NDRG3: variants seen among roughly 807,000 people sequenced by gnomAD.
NDRG3 encodes protein NDRG3.
A neutral mutation model predicts 57.2 loss-of-function variants in NDRG3; 23 were observed. That is an observed-to-expected ratio of 0.40 (90% CI 0.29 to 0.57). The LOEUF (loss-of-function observed/expected upper bound fraction) is 0.57. NDRG3 is among the 20% of genes least tolerant of loss of function. The pLI is 0.42. For synonymous variants in NDRG3, 132 were observed against 162.6 expected (o/e 0.81, Z 1.43); for missense variants, 384 against 457.3 (o/e 0.84, Z 1.46).
intron 1 of NDRG3, among the ~76,000 whole-genome samples, chr20:36,737,819 C>A (rs1370103758): frequency 6.6e-6 from 1 of 152,088 alleles, no homozygotes; most frequent in Non-Finnish European, 1.5e-5. Flanking sequence ...GTGGCTGATA[C>A]CTGTAATACC....
At position 36,721,400 on chromosome 20, in the gene NDRG3, G is replaced by T. The variant is rs193065864; in HGVS notation, c.57+279C>A. Among the ~76,000 whole-genome samples, 5 of 151,824 alleles carry T rather than the reference G, an allele frequency of 3.3e-5. No individual in the cohort carries two copies. In the East Asian group the frequency reaches 9.8e-4, roughly 30 times the overall value. ...AAAAATTAGCTGGGCGTGATGACAC[G>T]TGCCTGTAATCTCAGCTACTTGGGA... On this transcript the variant is annotated intron_variant, in intron 2 of 15. Transcript: ENST00000349004.
chr20:36,656,456 G>A (rs747989486), intron 14 of NDRG3, 41 bp downstream of exon 14: 1 of 1,614,134 alleles, frequency 6.2e-7, no homozygotes, highest in South Asian at 1.1e-5. Flanking sequence ...CATAGACAGA[G>A]AAGCAGAATT....
chr20:36,726,222 C>T (rs1000756970), intron 1 of NDRG3, among the ~76,000 whole-genome samples: 1 of 152,152 alleles, frequency 6.6e-6, no homozygotes, highest in South Asian at 2.1e-4. Flanking sequence ...CATACCCATC[C>T]CTAAGTATTT....
chr20:36,710,931 G>A (rs1278348518), intron 2 of NDRG3, among the ~76,000 whole-genome samples: 3 of 151,816 alleles, frequency 2.0e-5, no homozygotes, highest in Non-Finnish European at 2.9e-5. Context: ...AGTGGGCTGA[G>A]ACGGCGCCAC....
At chr20:36,725,687 A>G (rs1197750998) in intron 1 of NDRG3, among the ~76,000 whole-genome samples, 1 of 152,126 alleles carries the variant, frequency 6.6e-6, no homozygotes, top group Non-Finnish European at 1.5e-5. Context: ...TTCCACCTAA[A>G]GAAAACCATT....
At chr20:36,664,529 T>C (rs1390916492) in intron 12 of NDRG3, among the ~76,000 whole-genome samples, 2 of 152,124 alleles carry the variant, frequency 1.3e-5, no homozygotes, top group African/African-American at 2.4e-5. Flanking sequence ...CAAAGTGAAC[T>C]ACACAACACA....
chr20:36,696,310 G>C (rs2148144717), intron 3 of NDRG3, among the ~76,000 whole-genome samples: 1 of 152,000 alleles, frequency 6.6e-6, no homozygotes, highest in East Asian at 1.9e-4. Context: ...TGGTTGGGCT[G>C]GTCTCAAACT....
At chr20:36,708,156 C>A (rs1016088817) in intron 2 of NDRG3, among the ~76,000 whole-genome samples, 2 of 151,800 alleles carry the variant, frequency 1.3e-5, no homozygotes, top group Admixed American at 6.6e-5. Flanking sequence ...TGATTTTTCA[C>A]AAAGTGTAAC....
chr20:36,692,055 AAAGT>A, intron 3 of NDRG3, among the ~76,000 whole-genome samples: 1 of 152,322 alleles, frequency 6.6e-6, no homozygotes, highest in Non-Finnish European at 1.5e-5. Flanking sequence ...CTACGATAGA[AAAGT>A]AAGAAGACAT....
rs532867376 is a variant in NDRG3 at position 36,711,402 on chromosome 20, C to T, written c.58-4395G>A. Among the ~76,000 whole-genome samples the T allele has an allele frequency of 5.3e-5, 8 of 152,190 alleles. No individual in the cohort carries two copies. The South Asian group carries it at 1.7e-3, about 32-fold the overall frequency. On this transcript the variant is annotated intron_variant, in intron 2 of 15. Coordinates refer to ENST00000349004, the MANE Select transcript of NDRG3 (RefSeq NM_032013.4). ...AGACCATATTAGGGCTTCAATCTAA[C>T]AGAATTCCCAAAGGTTCCTTTAGGG...
chr20:36,661,568 G>A (rs1425007836), intron 12 of NDRG3, among the ~76,000 whole-genome samples: 1 of 152,060 alleles, frequency 6.6e-6, no homozygotes, highest in East Asian at 1.9e-4. Context: ...AAGGGAAAAG[G>A]TGAGTGTTTG....
At chr20:36,702,517 C>A (rs1296242848) in intron 3 of NDRG3, among the ~76,000 whole-genome samples, 2 of 151,862 alleles carry the variant, frequency 1.3e-5, no homozygotes, top group Non-Finnish European at 2.9e-5. Flanking sequence ...TTTTGTTATA[C>A]AAGATTTTTG....
intron 1 of NDRG3, among the ~76,000 whole-genome samples, chr20:36,736,192 T>C (rs1484778226): frequency 6.6e-6 from 1 of 152,160 alleles, no homozygotes; most frequent in African/African-American, 2.4e-5. Context: ...TCCACGTAGT[T>C]ATCTTAGCTA....
At chr20:36,699,359 C>T (rs1018746416) in intron 3 of NDRG3, among the ~76,000 whole-genome samples, 2 of 152,096 alleles carry the variant, frequency 1.3e-5, no homozygotes, top group African/African-American at 4.8e-5. Flanking sequence ...TTCAATATCT[C>T]TCATGTTTTG....
chr20:36,716,393 C>G (rs1378096024), intron 2 of NDRG3, among the ~76,000 whole-genome samples: 1 of 151,830 alleles, frequency 6.6e-6, no homozygotes, highest in Admixed American at 6.6e-5. Flanking sequence ...ACTAGCTGAA[C>G]ATGGTGGCAG....
rs908271495 is a variant in NDRG3, at chr20:36,665,723, C to T, written c.693-422G>A. Among the ~76,000 whole-genome samples, 102 of 152,146 alleles carry T rather than the reference C, an allele frequency of 6.7e-4. 2 individuals carry two copies. The highest frequency in any genetic ancestry group is 2.3e-3 in the African/African-American group (96 of 41,522). Reference sequence around the variant, plus strand: ...AAGCGATTCTCCTGCCTCAGCCTCCCAAGTAGCTGAGATTACAGGCGCCCG... The same window carrying T: ...AAGCGATTCTCCTGCCTCAGCCTCCTAAGTAGCTGAGATTACAGGCGCCCG... On this transcript the variant is annotated intron_variant, in intron 10 of 15. Coordinates refer to ENST00000349004, the MANE Select transcript of NDRG3 (RefSeq NM_032013.4).
At chr20:36,691,383 A>G (rs1300202074) in intron 3 of NDRG3, among the ~76,000 whole-genome samples, 2 of 152,240 alleles carry the variant, frequency 1.3e-5, no homozygotes, top group African/African-American at 4.8e-5. Context: ...AACATAAGAA[A>G]TGAAGACTAG....
chr20:36,714,356 G>C (rs1412780188), intron 2 of NDRG3, among the ~76,000 whole-genome samples: 4 of 128,038 alleles, frequency 3.1e-5, no homozygotes, highest in Admixed American at 9.0e-5. Flanking sequence ...AGTGAGCCGA[G>C]ACCACATCAT....
chr20:36,679,032 C>G (rs939457780), intron 8 of NDRG3, among the ~76,000 whole-genome samples: 1 of 152,162 alleles, frequency 6.6e-6, no homozygotes, highest in African/African-American at 2.4e-5. Context: ...CTCACCGCAA[C>G]CTCCACCTCC....
Sources: gnomAD v4.1 joint callset for allele counts (sites outside exome capture counted in the v4.1 genomes callset) on GRCh38, gnomAD v4.1.1 for gene constraint, MANE v1.5 for transcripts, NCBI Gene and HGNC (gene_info 2026-07-23, HGNC 2026-07-21) for gene names.